The following FBXW11 variants were observed in gnomAD, a reference collection of about 807,000 sequenced individuals.
The protein encoded by FBXW11 is F-box and WD repeat domain containing 11.
A neutral mutation model predicts 77.6 loss-of-function variants in FBXW11; 19 were observed. That is an observed-to-expected ratio of 0.24 (90% confidence interval 0.17 to 0.36). FBXW11 has a LOEUF of 0.36. Among genes scored for constraint, FBXW11 ranks in the 10% least tolerant of loss-of-function variants. FBXW11 has a pLI of 1.00. For synonymous variants in FBXW11, 235 were observed against 249.4 expected (o/e 0.94, Z 0.54); for missense variants, 334 against 704.2 (o/e 0.47, Z 5.95).
chr5:171,991,060 A>C (rs959348122), intron 1 of FBXW11, among the ~76,000 whole-genome samples: 43 of 152,162 alleles, frequency 2.8e-4, no homozygotes, highest in African/African-American at 1.0e-3. Context: ...TCCTAACCTC[A>C]GGTGATCCAC....
intron 2 of FBXW11, among the ~76,000 whole-genome samples, chr5:171,928,315 G>A (rs1230001808): frequency 6.6e-6 from 1 of 151,976 alleles, no homozygotes; most frequent in Non-Finnish European, 1.5e-5. Flanking sequence ...TAAGATCTTC[G>A]TACCACCCAA....
chr5:171,944,348 GGTGGATCACGAGGTCAGGAGATCAA>G (rs1055478302), intron 2 of FBXW11, among the ~76,000 whole-genome samples: 1 of 151,922 alleles, frequency 6.6e-6, no homozygotes, highest in Non-Finnish European at 1.5e-5. Context: ...GGCCAAGGCA[GGTGGATCACGAGGTCAGGAGATCAA>G]GACCATCCTG....
At chr5:171,996,997 T>G in intron 1 of FBXW11, 9 of 1,289,832 alleles carry the variant, frequency 7.0e-6, no homozygotes, top group Non-Finnish European at 9.1e-6. Context: ...CAAGATTCTT[T>G]CCGTTTACTG....
chr5:171,989,739 G>A (rs570174288), intron 1 of FBXW11, among the ~76,000 whole-genome samples: 5 of 152,256 alleles, frequency 3.3e-5, no homozygotes, highest in Non-Finnish European at 7.4e-5. Context: ...CTGTTTTGTC[G>A]GTTTGTTTGT....
intron 6 of FBXW11, among the ~76,000 whole-genome samples, chr5:171,896,334 G>A (rs950047523): frequency 6.6e-6 from 1 of 152,088 alleles, no homozygotes. Context: ...AGGGAGGGGG[G>A]ACATAAACAG....
chr5:171,949,032 G>C (rs1288232565), intron 2 of FBXW11, among the ~76,000 whole-genome samples: 1 of 152,104 alleles, frequency 6.6e-6, no homozygotes, highest in Non-Finnish European at 1.5e-5. Flanking sequence ...AGATCACCAA[G>C]TCATCCTCAC....
chr5:171,932,908 A>G (rs890417826), intron 2 of FBXW11, among the ~76,000 whole-genome samples: 3 of 144,470 alleles, frequency 2.1e-5, no homozygotes, highest in Non-Finnish European at 3.0e-5. Flanking sequence ...TCTCCAGCCC[A>G]GGACTTGAGA....
Position 171,910,800 on chromosome 5 carries a change from A to T in FBXW11, c.211-3T>A. On this transcript the variant is annotated splice_polypyrimidine_tract_variant and splice_region_variant and intron_variant, in intron 3 of 13. Coordinates refer to ENST00000517395, the MANE Select transcript of FBXW11 (RefSeq NM_001378974.1). The stretch of plus-strand genomic sequence containing the variant: ...ACAGATGATGTTCCATTACTTATCT[A>T]TTTTAGAAAAACAAAAAAAAAATTA... 6.5e-7 allele frequency: 1 copy of T among 1,531,474 alleles called. No individual in the cohort carries two copies. The highest frequency in any genetic ancestry group is 1.4e-5 in the African/African-American group (1 of 70,838). 94.9% of individuals were successfully genotyped at this position (1,531,474 alleles called of 1,614,324 possible).
chr5:171,903,582 T>C (rs1760280736), intron 4 of FBXW11, among the ~76,000 whole-genome samples: 1 of 152,170 alleles, frequency 6.6e-6, no homozygotes, highest in Non-Finnish European at 1.5e-5. Flanking sequence ...CTAACAGACT[T>C]AGCTCTTTCA....
intron 2 of FBXW11, among the ~76,000 whole-genome samples, chr5:171,926,968 T>C (rs1244200830): frequency 1.3e-5 from 2 of 152,162 alleles, no homozygotes; most frequent in Non-Finnish European, 2.9e-5. Context: ...ATCAACTAGA[T>C]ATTCTTAACA....
chr5:171,908,514 T>G (rs1221424362), intron 4 of FBXW11, among the ~76,000 whole-genome samples: 1 of 152,210 alleles, frequency 6.6e-6, no homozygotes, highest in Non-Finnish European at 1.5e-5. Context: ...GACTAAGTGA[T>G]GGCTAAGATC....
chr5:172,001,032 A>G (rs1054341306), intron 1 of FBXW11, among the ~76,000 whole-genome samples: 1 of 152,194 alleles, frequency 6.6e-6, no homozygotes, highest in African/African-American at 2.4e-5. Flanking sequence ...GTATGTGTGG[A>G]AAGTCTGTAA....
rs1561663928 is a variant in FBXW11 at position 171,900,033 on chromosome 5, T to G, written c.504A>C (p.Ala168=). 56 of 1,613,816 alleles carry G rather than the reference T, an allele frequency of 3.5e-5. No homozygotes were observed. The highest frequency in any genetic ancestry group is 4.4e-5 in the Non-Finnish European group (52 of 1,179,742). The part of the protein sequence containing the change: ...SYLDARSLCA[A]ELVCKEWQRV... ...GCTGCCATTCTTTACATACCAGCTC[T>G]GCTGCACACAGAGACCTGGCATCCA... is the stretch of plus-strand genomic sequence containing the variant. The change falls in exon 5 of 14, where the codon GCA becomes GCC. Residue 168 remains alanine, a synonymous_variant. Transcript: ENST00000517395.
In FBXW11 at chr5:171,891,603, G is replaced by T; in HGVS notation, c.716C>A (p.Thr239Asn). 6.2e-7 allele frequency: 1 copy of T among 1,605,338 alleles called. No homozygotes were observed. Among genetic ancestry groups the T allele is most frequent in the Non-Finnish European group, 8.5e-7 (1 of 1,177,384 alleles). Reference protein sequence around the residue: ...LYPKIIQDIETIESNWRCGRH... With the variant: ...LYPKIIQDIENIESNWRCGRH... ...TCCACACCGCCAGTTAGATTCTATA[G>T]TCTAGGGAAAAAAGGAGGCAAGAGA... Residue 239 changes from threonine (T) to asparagine (N), a missense_variant and splice_region_variant, in exon 7 of 14, where the codon ACT (threonine) becomes AAT (asparagine). This residue lies in a region of FBXW11 where 70 missense variants were observed against 136.6 expected (regional missense o/e 0.51). Transcript: ENST00000517395.
chr5:171,954,846 T>C (rs1377476726), intron 2 of FBXW11, among the ~76,000 whole-genome samples: 1 of 152,146 alleles, frequency 6.6e-6, no homozygotes, highest in East Asian at 1.9e-4. Flanking sequence ...GTGTCAATAG[T>C]GAGGTTTCTA....
rs988357426 is a variant in FBXW11, at chr5:172,006,522, C to G, written c.-20G>C. ...CTCCATGGCGGCCCCGGCGGCCCCG[C>G]CTCGCTCTCCCCGCGCAGCAGCGAA... On this transcript the variant is annotated 5_prime_UTR_variant, in exon 1 of 14. Coordinates refer to ENST00000517395, the MANE Select transcript of FBXW11 (RefSeq NM_001378974.1). 6.5e-5 allele frequency: 97 copies of G among 1,500,444 alleles called. No homozygotes were observed. The highest frequency in any genetic ancestry group is 8.4e-5 in the Non-Finnish European group (94 of 1,123,384). 92.9% of individuals were successfully genotyped at this position (1,500,444 alleles called of 1,614,324 possible).
chr5:172,000,083 T>A (rs1246729781), intron 1 of FBXW11, among the ~76,000 whole-genome samples: 2 of 152,208 alleles, frequency 1.3e-5, no homozygotes, highest in African/African-American at 4.8e-5. Flanking sequence ...GCAATTGCGA[T>A]CAGCAGAAAC....
intron 9 of FBXW11, among the ~76,000 whole-genome samples, chr5:171,873,832 C>T (rs1439468290): frequency 1.3e-5 from 2 of 152,180 alleles, no homozygotes; most frequent in African/African-American, 4.8e-5. Context: ...AGGAGACACA[C>T]AGCAACCAGA....
In FBXW11 at chr5:171,898,993, C is replaced by T. The variant is rs1759935204; in HGVS notation, c.714+11G>A. On this transcript the variant is annotated intron_variant, in intron 6 of 13. Transcript: ENST00000517395. ...CAAAGAGCCCATAAAACAGATAAAT[C>T]ATAAAGTTACCTCTATATCCTGGAT... The T allele has an allele frequency of 2.6e-6, 4 of 1,537,134 alleles. No homozygotes were observed. In the South Asian group the frequency reaches 4.8e-5, roughly 18 times the overall value.
Sources: gnomAD v4.1 joint callset for allele counts (sites outside exome capture counted in the v4.1 genomes callset) on GRCh38, gnomAD v4.1.1 for gene constraint, gnomAD v4.1.1 regional missense constraint, MANE v1.5 for transcripts, NCBI Gene and HGNC (gene_info 2026-07-23, HGNC 2026-07-21) for gene names.